The following CLDN18 variants were observed in gnomAD, a reference collection of about 807,000 sequenced individuals.
CLDN18 encodes the protein claudin 18, also known as claudin-18.
In CLDN18, 20 loss-of-function variants were observed where a neutral mutation model predicts 25.0. That is an observed-to-expected ratio of 0.80 (90% confidence interval 0.56 to 1.16). CLDN18 has a LOEUF of 1.16. CLDN18 is among the 50% of genes most tolerant of loss of function. CLDN18 has a pLI of 0.00. For synonymous variants in CLDN18, 125 were observed against 135.6 expected, an observed-to-expected ratio of 0.92 and a Z score of 0.54; for missense variants, 297 against 345.4, an observed-to-expected ratio of 0.86 and a Z score of 1.11.
chr3:137,999,031 C>G, exon 1 of CLDN18: 1 of 1,614,120 alleles, frequency 6.2e-7, no homozygotes, highest in Non-Finnish European at 8.5e-7. Flanking sequence ...CTCCTGTGTC[C>G]GAGAGAGCTC....
At chr3:138,001,532 A>G (rs1478430921) in intron 1 of CLDN18, among the ~76,000 whole-genome samples, 8 of 151,986 alleles carry the variant, frequency 5.3e-5, no homozygotes, top group African/African-American at 7.2e-5. Flanking sequence ...ACATTCCCCC[A>G]TTCTTATGCT....
chr3:137,999,234 G>C (rs1941989586), intron 1 of CLDN18: 1 of 689,064 alleles, frequency 1.5e-6, no homozygotes, highest in Non-Finnish European at 2.5e-6. Context: ...ACCTGCACCA[G>C]GGTGGAATAG....
chr3:138,005,048 G>C (rs1417105870), intron 1 of CLDN18: 1 of 152,004 alleles, frequency 6.6e-6, no homozygotes, highest in Non-Finnish European at 1.5e-5. Flanking sequence ...GATGTTTTTA[G>C]TAATTACAGC....
intron 1 of CLDN18, among the ~76,000 whole-genome samples, chr3:138,020,162 C>T (rs1387571711): frequency 6.6e-6 from 1 of 152,190 alleles, no homozygotes; most frequent in African/African-American, 2.4e-5. Flanking sequence ...CCATGAATCT[C>T]CGTGGTCATT....
Position 138,031,279 on chromosome 3 carries a change from G to C in CLDN18, c.*138G>C. The C allele has an allele frequency of 1.5e-6, 1 of 678,516 alleles. No homozygotes were observed. Among genetic ancestry groups the C allele is most frequent in the East Asian group, 2.8e-5 (1 of 35,778 alleles). The allele number at this position is 678,516 out of a possible 1,614,324, so 42.0% of individuals were successfully genotyped here. A position where few individuals can be genotyped will look rare whatever the true frequency, so the allele number is the denominator to read the frequency against. ...AAAGCCTCGATTTCATCTTTGGAGAGGCCAAATGGTCTTAGCCTCAGTCTC... is the reference window on the plus strand; with the variant it reads ...AAAGCCTCGATTTCATCTTTGGAGACGCCAAATGGTCTTAGCCTCAGTCTC... On this transcript the variant is annotated 3_prime_UTR_variant, in exon 5 of 5. Coordinates refer to ENST00000183605, the MANE Select transcript of CLDN18 (RefSeq NM_016369.4).
Position 138,010,321 on chromosome 3 carries a change from C to CG in CLDN18, c.96_97insG (p.Gln33AlafsTer114). 6.2e-7 allele frequency: 1 copy of CG among 1,614,192 alleles called. No homozygotes were observed. The highest frequency in any genetic ancestry group is 8.5e-7 in the Non-Finnish European group (1 of 1,180,034). ...CCACCGGGATGGACATGTGGAGCAC[C>CG]CAGGACCTGTACGACAACCCCGTCA... On this transcript the variant is annotated frameshift_variant, in exon 1 of 5. Coordinates refer to ENST00000183605, the MANE Select transcript of CLDN18 (RefSeq NM_016369.4). LOFTEE classifies it high-confidence loss of function.
chr3:137,999,139 G>A lies in CLDN18; in HGVS notation c.220+51G>A, dbSNP rs767550714. ...GGAGGGAGAGATTGGAGGTGGAGAG[G>A]AAACTGCAGGCTCTGTCTGGGCACC... On this transcript the variant is annotated intron_variant, in intron 1 of 4. Transcript: ENST00000343735. 14 of 1,525,766 alleles carry A rather than the reference G, an allele frequency of 9.2e-6. No homozygotes were observed. In the South Asian group the frequency reaches 1.5e-4, roughly 16 times the overall value. 94.5% of individuals were successfully genotyped at this position (1,525,766 alleles called of 1,614,324 possible).
At chr3:138,000,333 G>A (rs1363206170) in intron 1 of CLDN18, among the ~76,000 whole-genome samples, 3 of 152,154 alleles carry the variant, frequency 2.0e-5, no homozygotes, top group Non-Finnish European at 4.4e-5. Flanking sequence ...CTTGTGAAAA[G>A]GAGTTAAGAT....
At chr3:138,021,268 T>G (rs1365269153) in intron 1 of CLDN18, among the ~76,000 whole-genome samples, 1 of 151,440 alleles carries the variant, frequency 6.6e-6, no homozygotes, top group Admixed American at 6.6e-5. Context: ...AAAAAAAAAG[T>G]GTTAAGCATT....
At chr3:138,009,416 G>A (rs1262272767), upstream of CLDN18, among the ~76,000 whole-genome samples, 2 of 152,108 alleles carry the variant, frequency 1.3e-5, no homozygotes, top group Admixed American at 6.5e-5. Flanking sequence ...GGAAATCAAC[G>A]GGGTCCCTGG....
rs1387790206 is a variant in CLDN18, at chr3:138,031,927, C to T, written c.*786C>T. ...TAAATAATGTTTTAGTAAAATGATACACTATCTCTGTGAAATAGCCTCACC... is the reference window on the plus strand; with the variant it reads ...TAAATAATGTTTTAGTAAAATGATATACTATCTCTGTGAAATAGCCTCACC... On this transcript the variant is annotated 3_prime_UTR_variant, in exon 5 of 5. Coordinates refer to ENST00000183605, the MANE Select transcript of CLDN18 (RefSeq NM_016369.4). 1 of 152,090 alleles carries T rather than the reference C, an allele frequency of 6.6e-6. No individual in the cohort carries two copies. Among genetic ancestry groups the T allele is most frequent in the Non-Finnish European group, 1.5e-5 (1 of 68,030 alleles). The allele number at this position is 152,090 out of a possible 1,614,324, so 9.4% of individuals were successfully genotyped here.
At chr3:138,013,860 C>T (rs919837964) in intron 1 of CLDN18, among the ~76,000 whole-genome samples, 2 of 151,884 alleles carry the variant, frequency 1.3e-5, no homozygotes, top group Non-Finnish European at 2.9e-5. Context: ...TAATATATAG[C>T]GTGTAATTTC....
chr3:138,029,477 C>A (rs985083155), intron 3 of CLDN18, among the ~76,000 whole-genome samples: 1 of 152,160 alleles, frequency 6.6e-6, no homozygotes, highest in African/African-American at 2.4e-5. Flanking sequence ...TCTTGCCAAA[C>A]CTTCAAGACA....
chr3:138,022,647 CCACA>C (rs1942284337), intron 1 of CLDN18, among the ~76,000 whole-genome samples: 1 of 152,210 alleles, frequency 6.6e-6, no homozygotes, highest in Non-Finnish European at 1.5e-5. Context: ...ATAAGCATCT[CCACA>C]CAGTTTTGCA....
intron 3 of CLDN18, among the ~76,000 whole-genome samples, chr3:138,028,179 C>T (rs979251084): frequency 3.9e-5 from 6 of 152,118 alleles, no homozygotes; most frequent in Non-Finnish European, 7.3e-5. Flanking sequence ...ATTCTCCTGC[C>T]TCAACTTCCC....
upstream of CLDN18, among the ~76,000 whole-genome samples, chr3:138,008,881 C>T (rs908605288): frequency 6.6e-6 from 1 of 152,128 alleles, no homozygotes; most frequent in Non-Finnish European, 1.5e-5. Flanking sequence ...ACCCCGATGA[C>T]AACACTGCAC....
chr3:138,006,595 A>G (rs901494343), upstream of CLDN18, among the ~76,000 whole-genome samples: 1 of 152,234 alleles, frequency 6.6e-6, no homozygotes, highest in Non-Finnish European at 1.5e-5. Flanking sequence ...GTTTCAATAA[A>G]GCCTATTGCC....
chr3:138,008,539 G>T (rs1236319055), upstream of CLDN18, among the ~76,000 whole-genome samples: 1 of 151,672 alleles, frequency 6.6e-6, no homozygotes, highest in Admixed American at 6.6e-5. Context: ...GGAGGTGGAG[G>T]TTGCAGTGAG....
At chr3:137,999,100 G>GTGTC in intron 1 of CLDN18, 1 of 1,612,024 alleles carries the variant, frequency 6.2e-7, no homozygotes, top group Non-Finnish European at 8.5e-7. Flanking sequence ...TAAGGGCCAG[G>GTGTC]TGTCTGGCTG....
Sources: gnomAD v4.1 joint callset for allele counts (sites outside exome capture counted in the v4.1 genomes callset) on GRCh38, gnomAD v4.1.1 for gene constraint, MANE v1.5 for transcripts, NCBI Gene and HGNC (gene_info 2026-07-23, HGNC 2026-07-21) for gene names.